The following EPHA5 variants were observed in gnomAD, a reference collection of about 807,000 sequenced individuals.
The protein encoded by EPHA5 is EPH receptor A5.
A neutral mutation model predicts 105.0 loss-of-function variants in EPHA5; 60 were observed. The observed-to-expected ratio is 0.57, with a 90% CI of 0.46 to 0.71. EPHA5 has a LOEUF of 0.71. Among genes scored for constraint, EPHA5 ranks in the 30% least tolerant of loss-of-function variants. EPHA5 has a pLI of 0.00. For missense variants in EPHA5, 1,218 were observed against 1,274.7 expected, an observed-to-expected ratio of 0.96 and a Z score of 0.68; for synonymous variants, 513 against 449.1, an observed-to-expected ratio of 1.14 and a Z score of -1.80.
intron 8 of EPHA5, among the ~76,000 whole-genome samples, chr4:65,378,753 A>G (rs1480166113): frequency 6.6e-6 from 1 of 151,694 alleles, no homozygotes; most frequent in African/African-American, 2.4e-5. Context: ...TGAGATGAGA[A>G]TGACTGCTCT....
rs1743812704 is a variant in EPHA5, at chr4:65,602,268, G to T, written c.283C>A (p.Pro95Thr). Residue 95 changes from proline (P) to threonine (T), a missense_variant, in exon 3 of 17, where the codon CCT becomes ACT. Coordinates refer to ENST00000613740, the MANE Select transcript of EPHA5 (RefSeq NM_001281766.3). ...TTGCATACTTGGTATGTGTGGATAG[G>T]GGCATAATTTTCATCCACTTCACCA... ...EIGEVDENYA[P>T]IHTYQVCKVM... The T allele has an allele frequency of 6.2e-7, 1 of 1,605,572 alleles. No individual in the cohort carries two copies. Among genetic ancestry groups the T allele is most frequent in the Non-Finnish European group, 8.5e-7 (1 of 1,177,344 alleles).
intron 8 of EPHA5, among the ~76,000 whole-genome samples, chr4:65,388,022 G>A (rs2148947664): frequency 7.6e-6 from 1 of 130,978 alleles, no homozygotes; most frequent in East Asian, 2.4e-4. Context: ...CTGTGTCCAT[G>A]TGTTCTCATT....
At chr4:65,404,578 C>G in intron 7 of EPHA5, 99 bp from the exon 8 acceptor site, 1 of 958,054 alleles carries the variant, frequency 1.0e-6, no homozygotes, top group Non-Finnish European at 1.6e-6. Context: ...ATGATTTAAG[C>G]AATTTACCCA....
chr4:65,469,849 A>T (rs1729113344), intron 5 of EPHA5, among the ~76,000 whole-genome samples: 1 of 152,226 alleles, frequency 6.6e-6, no homozygotes, highest in Non-Finnish European at 1.5e-5. Context: ...ATATCTTAAA[A>T]ATCTGTTCAC....
intron 11 of EPHA5, among the ~76,000 whole-genome samples, chr4:65,359,790 C>T (rs918273553): frequency 2.4e-4 from 37 of 151,748 alleles, no homozygotes; most frequent in African/African-American, 8.4e-4. Context: ...GGTCCTACCA[C>T]CTCTTCTTAA....
At chr4:65,340,289 A>G (rs1721588060) in intron 14 of EPHA5, among the ~76,000 whole-genome samples, 1 of 152,168 alleles carries the variant, frequency 6.6e-6, no homozygotes, top group South Asian at 2.1e-4. Context: ...TGCGATATAT[A>G]TATAGTCAGA....
At chr4:65,422,025 G>A (rs1578080270) in intron 5 of EPHA5, among the ~76,000 whole-genome samples, 2 of 152,222 alleles carry the variant, frequency 1.3e-5, no homozygotes, top group South Asian at 4.1e-4. Flanking sequence ...CACAGAAACA[G>A]CCTAAGGTGG....
At chr4:65,599,347 T>TC in intron 3 of EPHA5, among the ~76,000 whole-genome samples, 1 of 39,390 alleles carries the variant, frequency 2.5e-5, no homozygotes, top group African/African-American at 7.6e-5. Flanking sequence ...TGGCATTTTA[T>TC]AACACACACA....
intron 2 of EPHA5, among the ~76,000 whole-genome samples, chr4:65,616,283 A>G (rs1745230137): frequency 6.6e-6 from 1 of 151,960 alleles, no homozygotes; most frequent in Non-Finnish European, 1.5e-5. Context: ...AGATCTGCGG[A>G]TGAGGGAAGA....
At chr4:65,449,473 C>A (rs1159570630) in intron 5 of EPHA5, among the ~76,000 whole-genome samples, 3 of 152,048 alleles carry the variant, frequency 2.0e-5, no homozygotes, top group African/African-American at 7.2e-5. Context: ...AGAACAGAAG[C>A]AGAAAGGGAT....
At chr4:65,518,993 C>G (rs140493776) in intron 3 of EPHA5, among the ~76,000 whole-genome samples, 3 of 151,988 alleles carry the variant, frequency 2.0e-5, no homozygotes, top group Non-Finnish European at 2.9e-5. Context: ...GATACCAAAG[C>G]CTGGCAGAGA....
At chr4:65,557,244 A>ATATATATATATATATAT (rs1350858945) in intron 3 of EPHA5, among the ~76,000 whole-genome samples, 1 of 143,824 alleles carries the variant, frequency 7.0e-6, no homozygotes, top group African/African-American at 2.5e-5. Context: ...ATATATATAT[A>ATATATATATATATATAT]TATATATATA....
intron 3 of EPHA5, among the ~76,000 whole-genome samples, chr4:65,532,629 C>T (rs1735914422): frequency 7.0e-6 from 1 of 143,554 alleles, no homozygotes; most frequent in Non-Finnish European, 1.5e-5. Context: ...ACTTTCAACT[C>T]CCCAATTTTC....
chr4:65,434,794 A>C (rs891783692), intron 5 of EPHA5, among the ~76,000 whole-genome samples: 6 of 152,140 alleles, frequency 3.9e-5, no homozygotes, highest in Non-Finnish European at 8.8e-5. Context: ...AGGCCATCTC[A>C]CTACTAAATT....
At chr4:65,522,889 T>C (rs1345670942) in intron 3 of EPHA5, among the ~76,000 whole-genome samples, 1 of 151,946 alleles carries the variant, frequency 6.6e-6, no homozygotes, top group Non-Finnish European at 1.5e-5. Context: ...CACGTTTTAT[T>C]TTAAATCACT....
chr4:65,532,152 A>C (rs1023093381), intron 3 of EPHA5, among the ~76,000 whole-genome samples: 7 of 152,118 alleles, frequency 4.6e-5, no homozygotes, highest in Admixed American at 6.5e-5. Flanking sequence ...ATTTTTCTTT[A>C]AAAATCCTGC....
At chr4:65,410,197 T>A (rs1722785566) in intron 7 of EPHA5, among the ~76,000 whole-genome samples, 1 of 152,174 alleles carries the variant, frequency 6.6e-6, no homozygotes. Flanking sequence ...AAACAAATTG[T>A]GGCACATACA....
rs112758399 is a variant in EPHA5, at chr4:65,600,982, G to A, written c.910+659C>T. 8.6e-3 allele frequency among the ~76,000 whole-genome samples: 1,301 copies of A among 152,112 alleles called. 24 individuals carry two copies. Among genetic ancestry groups the A allele is most frequent in the African/African-American group, 0.029 (1,222 of 41,508 alleles). ...AAAACAGAAAAAAAAATCCCCCAGG[G>A]CAAATTGCTTTAAAATGACCTTTTG... On this transcript the variant is annotated intron_variant, in intron 3 of 16. Transcript: ENST00000613740.
intron 5 of EPHA5, among the ~76,000 whole-genome samples, chr4:65,466,125 G>T (rs1728696496): frequency 1.3e-5 from 2 of 152,182 alleles, no homozygotes; most frequent in Non-Finnish European, 2.9e-5. Context: ...CATGTGTGTG[G>T]GCATGTGTGC....
Sources: allele counts gnomAD v4.1 joint callset (sites outside exome capture counted in the v4.1 genomes callset), GRCh38; gene constraint gnomAD v4.1.1; transcripts MANE v1.5; gene names NCBI Gene and HGNC (gene_info 2026-07-23, HGNC 2026-07-21).